The following PXDNL variants were observed in gnomAD, a reference collection of about 807,000 sequenced individuals.
PXDNL encodes peroxidasin like, also known as probable oxidoreductase PXDNL.
In PXDNL, 145 loss-of-function variants were observed where a neutral mutation model predicts 150.8. The observed-to-expected ratio is 0.96, with a 90% CI of 0.84 to 1.10. The LOEUF (loss-of-function observed/expected upper bound fraction) is 1.10. PXDNL is among the 50% of genes least tolerant of loss of function. PXDNL has a pLI of 0.00. For missense variants in PXDNL, 2,087 were observed against 1,873.9 expected, an observed-to-expected ratio of 1.11 and a Z score of -2.10; for synonymous variants, 757 against 725.7, an observed-to-expected ratio of 1.04 and a Z score of -0.69.
At chr8:51,394,678 C>T (rs897902785) in intron 17 of PXDNL, among the ~76,000 whole-genome samples, 1 of 152,156 alleles carries the variant, frequency 6.6e-6, no homozygotes, top group African/African-American at 2.4e-5. Context: ...AGAACAACGG[C>T]CAGCCTGCAT....
At chr8:51,728,608 A>G (rs1055103095) in intron 1 of PXDNL, among the ~76,000 whole-genome samples, 2 of 152,192 alleles carry the variant, frequency 1.3e-5, no homozygotes, top group African/African-American at 2.4e-5. Flanking sequence ...TAAAAATTTA[A>G]GAATAAAAAA....
intron 4 of PXDNL, among the ~76,000 whole-genome samples, chr8:51,552,998 A>G (rs1010499990): frequency 3.9e-5 from 6 of 152,224 alleles, no homozygotes; most frequent in Non-Finnish European, 8.8e-5. Context: ...CATAGAATAG[A>G]CATTCCAATT....
intron 4 of PXDNL, among the ~76,000 whole-genome samples, chr8:51,553,220 T>C (rs903588433): frequency 1.3e-5 from 2 of 152,150 alleles, no homozygotes; most frequent in Non-Finnish European, 2.9e-5. Flanking sequence ...CTCTCGTGGG[T>C]TGAAGTCTTG....
At chr8:51,672,256 A>C (rs1815511361) in intron 1 of PXDNL, among the ~76,000 whole-genome samples, 1 of 152,220 alleles carries the variant, frequency 6.6e-6, no homozygotes, top group African/African-American at 2.4e-5. Context: ...TGCTGGGATT[A>C]GAGGCATGAG....
intron 5 of PXDNL, among the ~76,000 whole-genome samples, chr8:51,489,888 G>A (rs11785786): frequency 0.47 from 70,716 of 152,026 alleles, 20,168 homozygotes; most frequent in East Asian, 0.63. Flanking sequence ...GAACAAAGAA[G>A]TAACACAAGA....
intron 1 of PXDNL, among the ~76,000 whole-genome samples, chr8:51,658,344 G>GAAAAAAAAAAAAAAAAAGAAAA (rs1815196430): frequency 1.1e-5 from 1 of 94,232 alleles, no homozygotes; most frequent in Non-Finnish European, 2.1e-5. Context: ...CCTGTCTCAA[G>GAAAAAAAAAAAAAAAAAGAAAA]AAAAAAAAAA....
At chr8:51,388,199 A>T (rs1328412347) in intron 17 of PXDNL, among the ~76,000 whole-genome samples, 1 of 152,152 alleles carries the variant, frequency 6.6e-6, no homozygotes. Flanking sequence ...CTGTTTTGAT[A>T]TTGGCTTTCT....
chr8:51,573,568 C>A lies in PXDNL; in HGVS notation c.309-16657G>T, dbSNP rs907514488. The stretch of plus-strand genomic sequence containing the variant: ...AGAAATTATCAGTGGAGAGCCCGCA[C>A]TCCCAACTCCAACTAGAAGTAACAA... On this transcript the variant is annotated intron_variant, in intron 3 of 22. Coordinates refer to ENST00000356297, the MANE Select transcript of PXDNL (RefSeq NM_144651.5). 2.0e-5 allele frequency among the ~76,000 whole-genome samples: 3 copies of A among 152,030 alleles called. 1 individual carries two copies. Among genetic ancestry groups the A allele is most frequent in the Admixed American group, 1.3e-4 (2 of 15,238 alleles).
chr8:51,687,536 T>G (rs576360775), intron 1 of PXDNL, among the ~76,000 whole-genome samples: 1 of 152,308 alleles, frequency 6.6e-6, no homozygotes, highest in East Asian at 1.9e-4. Context: ...ATGTAAATAA[T>G]TTTATTATTA....
Position 51,408,428 on chromosome 8 carries a change from G to A in PXDNL, c.3196C>T (p.Arg1066Ter), listed in dbSNP as rs1179474195. ...ATTTCACCTAAGGTGGCATTCAGTC[G>A]GTAAAGAATAGGATTGATTAATGTG... ...GHTLINPILY[R>*]LNATLGEISE... The change falls in exon 17 of 23, where the codon CGA becomes TGA. Residue 1066 changes from arginine (R) to a stop codon, truncating the protein, a stop_gained. Coordinates refer to ENST00000356297, the MANE Select transcript of PXDNL (RefSeq NM_144651.5). LOFTEE classifies it high-confidence loss of function. The A allele has an allele frequency of 5.0e-6, 8 of 1,614,004 alleles. No homozygotes were observed. The highest frequency in any genetic ancestry group is 1.3e-5 in the African/African-American group (1 of 75,060).
chr8:51,746,297 C>T (rs2036983730), intron 1 of PXDNL, among the ~76,000 whole-genome samples: 1 of 152,180 alleles, frequency 6.6e-6, no homozygotes, highest in South Asian at 2.1e-4. Flanking sequence ...CTCAATCTCT[C>T]CAAGACATTG....
At chr8:51,323,947 A>AT (rs1805407225) in intron 21 of PXDNL, among the ~76,000 whole-genome samples, 1 of 129,006 alleles carries the variant, frequency 7.8e-6, no homozygotes, top group South Asian at 2.2e-4. Context: ...AAATAAAAAA[A>AT]TAAAAAAAAA....
chr8:51,776,308 C>T (rs1373802350), intron 1 of PXDNL, among the ~76,000 whole-genome samples: 1 of 152,084 alleles, frequency 6.6e-6, no homozygotes, highest in Non-Finnish European at 1.5e-5. Flanking sequence ...ACACCCTATT[C>T]GTATACTCCC....
chr8:51,796,398 A>G (rs1357646388), intron 1 of PXDNL, among the ~76,000 whole-genome samples: 2 of 151,250 alleles, frequency 1.3e-5, no homozygotes, highest in Non-Finnish European at 3.0e-5. Context: ...TGGTGTTTTG[A>G]AAAAAAAATT....
chr8:51,328,055 C>T (rs1805571287), intron 21 of PXDNL, among the ~76,000 whole-genome samples: 1 of 152,194 alleles, frequency 6.6e-6, no homozygotes, highest in Non-Finnish European at 1.5e-5. Flanking sequence ...AGCAGATTGC[C>T]CTCCATAATG....
chr8:51,515,260 G>C (rs187685801), intron 4 of PXDNL, among the ~76,000 whole-genome samples: 1 of 152,302 alleles, frequency 6.6e-6, no homozygotes, highest in East Asian at 1.9e-4. Context: ...TTAGATGGAA[G>C]AGCAGGGGGA....
chr8:51,446,247 C>T (rs1168025293), intron 12 of PXDNL, among the ~76,000 whole-genome samples: 1 of 152,122 alleles, frequency 6.6e-6, no homozygotes, highest in Non-Finnish European at 1.5e-5. Context: ...ATATATGTTA[C>T]CTCTGAATTG....
At chr8:51,410,891 T>C (rs536098974) in intron 16 of PXDNL, among the ~76,000 whole-genome samples, 2 of 152,344 alleles carry the variant, frequency 1.3e-5, no homozygotes, top group Non-Finnish European at 1.5e-5. Context: ...CACTGAATGA[T>C]TCAGGTGATT....
intron 1 of PXDNL, among the ~76,000 whole-genome samples, chr8:51,680,225 G>A (rs531524290): frequency 1.5e-3 from 225 of 152,358 alleles, no homozygotes; most frequent in African/African-American, 5.0e-3. Flanking sequence ...CAAAGGCCGG[G>A]TGTCTGTGTG....
Sources: gnomAD v4.1 joint callset for allele counts (sites outside exome capture counted in the v4.1 genomes callset) on GRCh38, gnomAD v4.1.1 for gene constraint, MANE v1.5 for transcripts, NCBI Gene and HGNC (gene_info 2026-07-23, HGNC 2026-07-21) for gene names.